SPMAP2L: variants seen among roughly 807,000 people sequenced by gnomAD.
SPMAP2L encodes sperm microtubule associated protein 2-like.
At chr4:56,565,786 A>T in the SPMAP2L span, among the ~76,000 whole-genome samples, 2 of 152,206 alleles carry the variant, frequency 1.3e-5, no homozygotes, top group South Asian at 2.1e-4. Flanking sequence ...AATCTGAAAC[A>T]CTTCTAGTCC....
chr4:56,565,799 A>G, the SPMAP2L span, among the ~76,000 whole-genome samples: 1 of 152,218 alleles, frequency 6.6e-6, no homozygotes, highest in Non-Finnish European at 1.5e-5. Flanking sequence ...TCTAGTCCCA[A>G]GCATTTTGAA....
chr4:56,576,198 T>G, the SPMAP2L span, among the ~76,000 whole-genome samples: 1 of 152,192 alleles, frequency 6.6e-6, no homozygotes, highest in African/African-American at 2.4e-5. Context: ...GTTATGTATG[T>G]TATACCTTAA....
chr4:56,540,717 A>G, the SPMAP2L span, among the ~76,000 whole-genome samples: 2 of 152,368 alleles, frequency 1.3e-5, no homozygotes, highest in Admixed American at 1.3e-4. Flanking sequence ...CCTGTGAACT[A>G]CTGACGAGAT....
the SPMAP2L span, among the ~76,000 whole-genome samples, chr4:56,599,155 A>G: frequency 1.3e-5 from 2 of 152,142 alleles, no homozygotes; most frequent in South Asian, 4.1e-4. Flanking sequence ...AAGTGTGTGT[A>G]TATATGTATA....
At chr4:56,586,615 G>A in the SPMAP2L span, among the ~76,000 whole-genome samples, 1 of 152,162 alleles carries the variant, frequency 6.6e-6, no homozygotes, top group African/African-American at 2.4e-5. Context: ...AGACTCAGTT[G>A]GGAATATCTG....
the SPMAP2L span, among the ~76,000 whole-genome samples, chr4:56,564,669 C>A: frequency 4.0e-5 from 6 of 151,610 alleles, no homozygotes; most frequent in Non-Finnish European, 1.5e-5. Context: ...TCATTGATTT[C>A]TCCTCTGATC....
the SPMAP2L span, among the ~76,000 whole-genome samples, chr4:56,614,511 A>G: frequency 3.4e-4 from 51 of 152,228 alleles, no homozygotes; most frequent in African/African-American, 1.2e-3. Context: ...AAATTTAACT[A>G]GGAGTGGTGG....
At chr4:56,530,762 A>AAGTCTTCCAGAAGCCCATTGTGCTCAGG in the SPMAP2L span, 1 of 1,535,354 alleles carries the variant, frequency 6.5e-7, no homozygotes. Context: ...ACTTGCTCCG[A>AAGTCTTCCAGAAGCCCATTGTGCTCAGG]AGTCTTCCAG....
chr4:56,561,094 A>T, the SPMAP2L span, among the ~76,000 whole-genome samples: 1 of 152,208 alleles, frequency 6.6e-6, no homozygotes, highest in Non-Finnish European at 1.5e-5. Context: ...CTTCAGAATG[A>T]TATTTACAGG....
the SPMAP2L span, among the ~76,000 whole-genome samples, chr4:56,545,400 A>C: frequency 6.6e-6 from 1 of 152,186 alleles, no homozygotes; most frequent in African/African-American, 2.4e-5. Flanking sequence ...ATGAAAATAC[A>C]TGTGAGTACA....
chr4:56,551,285 A>G, the SPMAP2L span, among the ~76,000 whole-genome samples: 1 of 152,194 alleles, frequency 6.6e-6, no homozygotes, highest in Non-Finnish European at 1.5e-5. Context: ...TCACTCTTTA[A>G]TTAGACTTTC....
the SPMAP2L span, chr4:56,594,841 G>A: frequency 1.3e-6 from 2 of 1,598,660 alleles, no homozygotes; most frequent in South Asian, 2.2e-5. Flanking sequence ...ACCTAGACGG[G>A]GCAAATATGA....
chr4:56,530,796 C>T, the SPMAP2L span: 1 of 1,535,324 alleles, frequency 6.5e-7, no homozygotes, highest in Non-Finnish European at 8.7e-7. Flanking sequence ...TCAGGATTCT[C>T]GACACTCACA....
chr4:56,572,501 C>T, the SPMAP2L span, among the ~76,000 whole-genome samples: 1 of 152,204 alleles, frequency 6.6e-6, no homozygotes. Context: ...CTAGTGAGTG[C>T]TCCTAACACA....
At chr4:56,592,664 T>C in the SPMAP2L span, among the ~76,000 whole-genome samples, 17 of 152,040 alleles carry the variant, frequency 1.1e-4, no homozygotes, top group Non-Finnish European at 2.4e-4. Flanking sequence ...GGCCATGCAG[T>C]CCTGTGCCAG....
chr4:56,608,265 T>C, the SPMAP2L span, among the ~76,000 whole-genome samples: 1 of 152,124 alleles, frequency 6.6e-6, no homozygotes, highest in African/African-American at 2.4e-5. Context: ...AAAGATGGAA[T>C]TTATAATTAA....
chr4:56,586,401 T>C, the SPMAP2L span, among the ~76,000 whole-genome samples: 3 of 152,162 alleles, frequency 2.0e-5, no homozygotes, highest in Non-Finnish European at 4.4e-5. Context: ...CTCTCTTCCT[T>C]TTCTTATAAT....
chr4:56,613,724 A>T, the SPMAP2L span, among the ~76,000 whole-genome samples: 2 of 152,184 alleles, frequency 1.3e-5, no homozygotes, highest in Non-Finnish European at 2.9e-5. Flanking sequence ...ATTACCACAT[A>T]GTTGACTACT....
the SPMAP2L span, among the ~76,000 whole-genome samples, chr4:56,566,995 T>C: frequency 6.6e-6 from 1 of 152,138 alleles, no homozygotes; most frequent in Non-Finnish European, 1.5e-5. Flanking sequence ...GTGCCTGGCC[T>C]AGTGTAAGAT....
Sources: gnomAD v4.1 joint callset for allele counts (sites outside exome capture counted in the v4.1 genomes callset) on GRCh38, gnomAD v4.1.1 for gene constraint, MANE v1.5 for transcripts, NCBI Gene and HGNC (gene_info 2026-07-23, HGNC 2026-07-21) for gene names.